Variants in DTX1 observed in about 807,000 individuals in gnomAD.
The protein encoded by DTX1 is deltex E3 ubiquitin ligase 1, also known as E3 ubiquitin-protein ligase DTX1.
Under a neutral mutation model 57.8 loss-of-function variants are expected in DTX1, and 26 were observed. The observed-to-expected ratio is 0.45, with a 90% CI of 0.33 to 0.62. DTX1 has a LOEUF of 0.62. Among genes scored for constraint, DTX1 ranks in the 20% least tolerant of loss-of-function variants. DTX1 has a pLI of 0.02. For synonymous variants in DTX1, 398 were observed against 394.1 expected (o/e 1.01, Z -0.12); for missense variants, 704 against 895.3 (o/e 0.79, Z 2.73).
intron 3 of DTX1, among the ~76,000 whole-genome samples, chr12:113,082,225 C>G (rs2044823620): frequency 6.6e-6 from 1 of 152,110 alleles, no homozygotes; most frequent in South Asian, 2.1e-4. Context: ...TCCCCACCCA[C>G]GCAGATGCTG....
At chr12:113,083,379 G>A (rs548258472) in intron 3 of DTX1, among the ~76,000 whole-genome samples, 1 of 152,120 alleles carries the variant, frequency 6.6e-6, no homozygotes, top group African/African-American at 2.4e-5. Context: ...AGGCTGGAGT[G>A]CAGTGGTGCA....
intron 2 of DTX1, among the ~76,000 whole-genome samples, chr12:113,067,059 A>G (rs2136425756): frequency 6.6e-6 from 1 of 152,050 alleles, no homozygotes; most frequent in African/African-American, 2.4e-5. Context: ...GACGGGGTGC[A>G]TGAGGGAGTC....
intron 3 of DTX1, among the ~76,000 whole-genome samples, chr12:113,082,218 C>G (rs1034206077): frequency 3.9e-5 from 6 of 152,116 alleles, no homozygotes; most frequent in African/African-American, 1.4e-4. Context: ...TCATCCCTCC[C>G]CACCCACGCA....
chr12:113,057,395 G>A, intron 1 of DTX1, 54 bp from the exon 2 acceptor site: 1 of 152,456 alleles, frequency 6.6e-6, no homozygotes, highest in East Asian at 1.9e-4. Context: ...GAAGGGGGGA[G>A]GGGGTGCTGC....
chr12:113,069,709 C>T (rs2044726947), intron 2 of DTX1, among the ~76,000 whole-genome samples: 1 of 152,160 alleles, frequency 6.6e-6, no homozygotes, highest in Non-Finnish European at 1.5e-5. Context: ...GAGCCTCAGT[C>T]TCCCCATCTG....
chr12:113,076,631 G>C, intron 2 of DTX1, among the ~76,000 whole-genome samples: 1 of 152,022 alleles, frequency 6.6e-6, no homozygotes, highest in East Asian at 1.9e-4. Context: ...ATAACATAAT[G>C]GATGACTGCA....
intron 2 of DTX1, among the ~76,000 whole-genome samples, chr12:113,066,115 C>T (rs1202565746): frequency 1.3e-5 from 2 of 152,210 alleles, no homozygotes; most frequent in African/African-American, 4.8e-5. Flanking sequence ...CAGCCCCTAG[C>T]TGCCTCTGGC....
intron 2 of DTX1, among the ~76,000 whole-genome samples, chr12:113,071,389 G>C (rs1322296100): frequency 6.6e-6 from 1 of 152,262 alleles, no homozygotes; most frequent in East Asian, 1.9e-4. Context: ...GGAGGAGAGA[G>C]AAGGGGAAGA....
chr12:113,069,984 C>G (rs1382171927), intron 2 of DTX1, among the ~76,000 whole-genome samples: 1 of 152,158 alleles, frequency 6.6e-6, no homozygotes, highest in Non-Finnish European at 1.5e-5. Context: ...CCTCAGTTTC[C>G]TCCCCCAGAA....
Position 113,093,916 on chromosome 12 carries a change from C to G in DTX1, c.1166-122C>G. ...TCTGACCCTGGCCAACCCTTGCCAG[C>G]CTGACCCCGGCCAACCCTTGCCAGC... On this transcript the variant is annotated intron_variant, in intron 5 of 9. Coordinates refer to ENST00000548759, the MANE Select transcript of DTX1 (RefSeq NM_004416.3). This position sits in a 1 kb window ranked among gnomAD's most constrained non-coding sequence, Gnocchi z 4.2. 6.8e-7 allele frequency: 1 copy of G among 1,465,416 alleles called. No individual in the cohort carries two copies. Among genetic ancestry groups the G allele is most frequent in the Non-Finnish European group, 9.3e-7 (1 of 1,070,462 alleles). 90.8% of individuals were successfully genotyped at this position (1,465,416 alleles called of 1,614,324 possible). A position where few individuals can be genotyped will look rare whatever the true frequency, so the allele number is the denominator to read the frequency against.
chr12:113,058,918 G>C (rs1446029735), intron 2 of DTX1, among the ~76,000 whole-genome samples: 1 of 152,196 alleles, frequency 6.6e-6, no homozygotes, highest in Non-Finnish European at 1.5e-5. Flanking sequence ...GAGTCTCCCA[G>C]AAGCTGAGTG....
intron 3 of DTX1, among the ~76,000 whole-genome samples, chr12:113,084,711 TCA>T (rs1407076460): frequency 2.0e-5 from 3 of 152,338 alleles, no homozygotes; most frequent in East Asian, 3.9e-4. Context: ...CTCTTAATTC[TCA>T]CAGATACTCA....
intron 2 of DTX1, among the ~76,000 whole-genome samples, chr12:113,071,283 T>C (rs1034742337): frequency 1.3e-5 from 2 of 152,240 alleles, no homozygotes; most frequent in South Asian, 2.1e-4. Flanking sequence ...GGGCCCAGCT[T>C]GTGCAGTCCT....
chr12:113,060,034 A>G (rs1566012256), intron 2 of DTX1, among the ~76,000 whole-genome samples: 5 of 152,148 alleles, frequency 3.3e-5, no homozygotes, highest in Admixed American at 2.6e-4. Flanking sequence ...TTCTGCAATG[A>G]TTGAACTTTC....
chr12:113,090,755 C>T (rs1950241817), intron 3 of DTX1, among the ~76,000 whole-genome samples: 1 of 152,180 alleles, frequency 6.6e-6, no homozygotes, highest in Admixed American at 6.5e-5. Context: ...CCTGTATAGC[C>T]GAGCAGCCAC....
intron 9 of DTX1, chr12:113,095,725 G>A (rs930177380): frequency 1.8e-5 from 7 of 394,870 alleles, no homozygotes; most frequent in Non-Finnish European, 3.3e-5. Flanking sequence ...AGTCCAAGCT[G>A]TCACCACCAC....
chr12:113,088,533 C>T lies in DTX1; in HGVS notation c.942-4629C>T, dbSNP rs549872569. Among the ~76,000 whole-genome samples, 34 of 152,310 alleles carry T rather than the reference C, an allele frequency of 2.2e-4. 1 individual carries two copies. In the South Asian group the frequency reaches 6.0e-3, roughly 27 times the overall value. ...AAATGATGAGTTAATGGGCGCAGCA[C>T]ACCAGCATGGCACATGTATACATAT... On this transcript the variant is annotated intron_variant, in intron 3 of 9. Transcript: ENST00000548759.
rs763624901 is a variant in DTX1 at position 113,096,972 on chromosome 12, G to A, written c.*33G>A. Reference sequence around the variant, plus strand: ...GGCTGCCCACCTTCCCTCCTGCTTTGCCCCTGGTCCGGCAAATGCCTCCTT... The same window carrying A: ...GGCTGCCCACCTTCCCTCCTGCTTTACCCCTGGTCCGGCAAATGCCTCCTT... On this transcript the variant is annotated 3_prime_UTR_variant, in exon 10 of 10. Coordinates refer to ENST00000548759, the MANE Select transcript of DTX1 (RefSeq NM_004416.3). The A allele has an allele frequency of 1.0e-5, 16 of 1,581,228 alleles. No homozygotes were observed. In the Admixed American group the frequency reaches 2.6e-4, roughly 26 times the overall value.
At position 113,094,918 on chromosome 12, in the gene DTX1, C is replaced by G; in HGVS notation, c.1357C>G (p.Leu453Val). The change falls in exon 7 of 10, where the codon CTC becomes GTC. Residue 453 changes from leucine (L) to valine (V), a missense_variant. Physicochemically the swap from Leu to Val is conservative, Grantham distance 32 (BLOSUM62 1). This residue lies in a region of DTX1 where 168 missense variants were observed against 255.6 expected (regional missense o/e 0.66). Coordinates refer to ENST00000548759, the MANE Select transcript of DTX1 (RefSeq NM_004416.3). ...TGGCCACATGTACCACCTGCTGTGCCTCGTGGCCATGTACTCCAATGGCAA... is the reference window on the plus strand; with the variant it reads ...TGGCCACATGTACCACCTGCTGTGCGTCGTGGCCATGTACTCCAATGGCAA... Reference protein sequence around the residue: ...RCGHMYHLLCLVAMYSNGNKD... With the variant: ...RCGHMYHLLCVVAMYSNGNKD... The G allele has an allele frequency of 1.9e-6, 3 of 1,613,684 alleles. No homozygotes were observed. The highest frequency in any genetic ancestry group is 2.5e-6 in the Non-Finnish European group (3 of 1,179,928).
Sources: allele counts gnomAD v4.1 joint callset (sites outside exome capture counted in the v4.1 genomes callset), GRCh38; gene constraint gnomAD v4.1.1; regional missense constraint gnomAD v4.1.1; non-coding constraint Gnocchi (gnomAD v3.1); transcripts MANE v1.5; gene names NCBI Gene and HGNC (gene_info 2026-07-23, HGNC 2026-07-21).